Variants in NPAS3 observed in about 807,000 individuals in gnomAD.
NPAS3 encodes the protein neuronal PAS domain protein 3, also known as neuronal PAS domain-containing protein 3.
NPAS3 carries 14 observed loss-of-function variants against 73.1 expected under a neutral mutation model. That is an observed-to-expected ratio of 0.19 (90% CI 0.13 to 0.30). The LOEUF is 0.30. NPAS3 is among the 10% of genes least tolerant of loss of function. The pLI is 1.00. For synonymous variants in NPAS3, 620 were observed against 541.5 expected, an observed-to-expected ratio of 1.14 and a Z score of -2.01; for missense variants, 1,096 against 1,250.0, an observed-to-expected ratio of 0.88 and a Z score of 1.86.
chr14:33,720,968 G>A (rs566356807), intron 6 of NPAS3, among the ~76,000 whole-genome samples: 8 of 152,142 alleles, frequency 5.3e-5, no homozygotes, highest in African/African-American at 1.9e-4. Flanking sequence ...AAAATCCTGC[G>A]ATTACATGTT....
intron 3 of NPAS3, among the ~76,000 whole-genome samples, chr14:33,338,327 G>T (rs1356235549): frequency 2.6e-5 from 4 of 152,098 alleles, no homozygotes; most frequent in Non-Finnish European, 4.4e-5. Flanking sequence ...ATTTATGGGG[G>T]AATACTGGAG....
In NPAS3 at chr14:33,445,954, G is replaced by T. The variant is rs112419978; in HGVS notation, c.468+78686G>T. Among the ~76,000 whole-genome samples the T allele has an allele frequency of 4.9e-3, 715 of 145,094 alleles. 5 individuals are homozygous for T. The highest frequency in any genetic ancestry group is 0.017 in the African/African-American group (664 of 38,826). ...GCACTTTTTTTTTTTTTTTTCAGAA[G>T]ATCCAAATTTAACTGCTATGGTCAG... is the stretch of plus-strand genomic sequence containing the variant. On this transcript the variant is annotated intron_variant, in intron 4 of 11. Coordinates refer to ENST00000356141, the Ensembl canonical transcript of NPAS3.
chr14:33,690,013 C>T (rs964748663), intron 6 of NPAS3, among the ~76,000 whole-genome samples: 65 of 152,258 alleles, frequency 4.3e-4, no homozygotes, highest in African/African-American at 1.5e-3. Context: ...GTGTATATGA[C>T]GTGCTTGACC....
chr14:33,291,508 G>A (rs575806646), intron 3 of NPAS3, among the ~76,000 whole-genome samples: 1 of 152,300 alleles, frequency 6.6e-6, no homozygotes, highest in East Asian at 1.9e-4. Flanking sequence ...TCTAGCTTCA[G>A]CCTCAAGATG....
chr14:33,260,540 G>T (rs1480783333), intron 3 of NPAS3, among the ~76,000 whole-genome samples: 1 of 152,108 alleles, frequency 6.6e-6, no homozygotes, highest in Non-Finnish European at 1.5e-5. Context: ...GTTTTCTGCT[G>T]CTACTTTTTC....
intron 3 of NPAS3, among the ~76,000 whole-genome samples, chr14:33,331,559 T>C (rs1466700779): frequency 6.6e-6 from 1 of 151,080 alleles, no homozygotes; most frequent in Non-Finnish European, 1.5e-5. Context: ...CGCTTTTTTC[T>C]ATTCCCCCTT....
In NPAS3 at chr14:33,543,228, G is replaced by A. The variant is rs540043541; in HGVS notation, c.469-16893G>A. 2.6e-5 allele frequency among the ~76,000 whole-genome samples: 4 copies of A among 152,214 alleles called. No individual in the cohort carries two copies. In the East Asian group the frequency reaches 7.7e-4, roughly 29 times the overall value. On this transcript the variant is annotated intron_variant, in intron 4 of 11. Transcript: ENST00000356141. ...AAGCTTAGGAACAGTCTCCCCTCTAGCCCACACCCATTTTCATCTGCTTCC... is the reference window on the plus strand; with the variant it reads ...AAGCTTAGGAACAGTCTCCCCTCTAACCCACACCCATTTTCATCTGCTTCC...
chr14:33,745,891 TG>T (rs1249785921), intron 7 of NPAS3, among the ~76,000 whole-genome samples: 3 of 152,240 alleles, frequency 2.0e-5, no homozygotes, highest in African/African-American at 7.2e-5. Flanking sequence ...TGGTTTTCTT[TG>T]GGATTGATTT....
chr14:33,446,166 C>CTT (rs71118544), intron 4 of NPAS3, among the ~76,000 whole-genome samples: 19,095 of 119,128 alleles, frequency 0.16, 2,296 homozygotes, highest in East Asian at 0.49. Flanking sequence ...TTCATGCTTT[C>CTT]TTTTTTTTTT....
intron 3 of NPAS3, among the ~76,000 whole-genome samples, chr14:33,271,113 C>T (rs1413064689): frequency 6.6e-6 from 1 of 152,176 alleles, no homozygotes; most frequent in East Asian, 1.9e-4. Context: ...TATGGACAGT[C>T]ATATAGAAAT....
At chr14:33,461,114 T>A (rs918235822) in intron 4 of NPAS3, among the ~76,000 whole-genome samples, 2 of 152,252 alleles carry the variant, frequency 1.3e-5, no homozygotes, top group Non-Finnish European at 2.9e-5. Context: ...TCCTGCCATT[T>A]ATTTATTTAC....
chr14:33,373,704 G>A (rs78243463), intron 4 of NPAS3, among the ~76,000 whole-genome samples: 4,006 of 152,124 alleles, frequency 0.026, 87 homozygotes, highest in Admixed American at 0.059. Context: ...GCCATATTAG[G>A]TAAACCCTCT....
At chr14:33,095,066 G>T (rs2042360290) in intron 2 of NPAS3, among the ~76,000 whole-genome samples, 1 of 152,188 alleles carries the variant, frequency 6.6e-6, no homozygotes, top group Admixed American at 6.5e-5. Context: ...TATACGTTGG[G>T]ACATTGAACA....
rs192254239 is a variant in NPAS3 at position 33,229,528 on chromosome 14, C to T, written c.385+14102C>T. ...GCATCTCACTTAAAGCCTGTATTTG[C>T]GAGGGAAGACTAGACGGTGCGAAAG... On this transcript the variant is annotated intron_variant, in intron 3 of 11. Coordinates refer to ENST00000356141, the Ensembl canonical transcript of NPAS3. Among the ~76,000 whole-genome samples the T allele has an allele frequency of 5.4e-4, 82 of 152,212 alleles. 3 individuals carry two copies. Among genetic ancestry groups the T allele is most frequent in the Admixed American group, 3.3e-3 (51 of 15,284 alleles).
intron 4 of NPAS3, among the ~76,000 whole-genome samples, chr14:33,453,800 A>G (rs2049906407): frequency 6.6e-6 from 1 of 152,152 alleles, no homozygotes; most frequent in Non-Finnish European, 1.5e-5. Flanking sequence ...TTCCTCCTCA[A>G]TTGTAGAGCT....
rs371737022 is a variant in NPAS3 at position 33,308,828 on chromosome 14, A to G, written c.386-58358A>G. 3.9e-5 allele frequency among the ~76,000 whole-genome samples: 6 copies of G among 152,180 alleles called. 1 individual carries two copies. In the East Asian group the frequency reaches 9.6e-4, roughly 24 times the overall value. ...AAAAAATTTTAAATAAACAAATGCA[A>G]TGACATAAAATTGTATTAATAGTGC... is the stretch of plus-strand genomic sequence containing the variant. On this transcript the variant is annotated intron_variant, in intron 3 of 11. Coordinates refer to ENST00000356141, the Ensembl canonical transcript of NPAS3.
chr14:33,296,781 A>G (rs948585146), intron 3 of NPAS3, among the ~76,000 whole-genome samples: 2 of 152,218 alleles, frequency 1.3e-5, no homozygotes, highest in African/African-American at 4.8e-5. Context: ...AGCTGTGGTC[A>G]AGAATTTTAT....
intron 5 of NPAS3, among the ~76,000 whole-genome samples, chr14:33,593,643 A>G (rs976479593): frequency 1.3e-5 from 2 of 152,238 alleles, no homozygotes; most frequent in African/African-American, 2.4e-5. Context: ...ACAGTGAGGA[A>G]ACTAAACTAA....
chr14:33,434,542 T>C (rs1383879689), intron 4 of NPAS3, among the ~76,000 whole-genome samples: 1 of 151,622 alleles, frequency 6.6e-6, no homozygotes, highest in Non-Finnish European at 1.5e-5. Context: ...AAAAAATCCA[T>C]AGTTAACAAT....
Sources: allele counts gnomAD v4.1 joint callset (sites outside exome capture counted in the v4.1 genomes callset), GRCh38; gene constraint gnomAD v4.1.1; transcripts MANE v1.5; gene names NCBI Gene and HGNC (gene_info 2026-07-23, HGNC 2026-07-21).